GABRG3: variants seen among roughly 807,000 people sequenced by gnomAD.
GABRG3 encodes gamma-aminobutyric acid receptor subunit gamma-3.
GABRG3 carries 25 observed loss-of-function variants against 48.8 expected under a neutral mutation model. That is an observed-to-expected ratio of 0.51 (90% CI 0.37 to 0.72). GABRG3 has a LOEUF of 0.72. GABRG3 is among the 30% of genes least tolerant of loss of function. The pLI, the probability that GABRG3 is intolerant of heterozygous loss-of-function variation, is 0.00. For synonymous variants in GABRG3, 227 were observed against 217.6 expected, an observed-to-expected ratio of 1.04 and a Z score of -0.38; for missense variants, 394 against 577.9, an observed-to-expected ratio of 0.68 and a Z score of 3.26.
At chr15:27,379,087 A>G (rs28436697) in intron 5 of GABRG3, among the ~76,000 whole-genome samples, 62,363 of 152,140 alleles carry the variant, frequency 0.41, 13,796 homozygotes, top group African/African-American at 0.57. Context: ...CTAAAGTTCC[A>G]AAGAAGAATT....
At chr15:27,176,260 C>T (rs1366674552) in intron 3 of GABRG3, among the ~76,000 whole-genome samples, 1 of 152,332 alleles carries the variant, frequency 6.6e-6, no homozygotes, top group South Asian at 2.1e-4. Context: ...AGTTCCACCT[C>T]TTTCTAAATC....
At chr15:27,040,189 C>G (rs956646035) in intron 3 of GABRG3, among the ~76,000 whole-genome samples, 1 of 152,200 alleles carries the variant, frequency 6.6e-6, no homozygotes, top group Admixed American at 6.5e-5. Flanking sequence ...TTGCTGTGTT[C>G]GGGGTGGCCC....
At chr15:27,289,561 G>A (rs980341298) in intron 3 of GABRG3, among the ~76,000 whole-genome samples, 4 of 152,170 alleles carry the variant, frequency 2.6e-5, no homozygotes, top group Non-Finnish European at 5.9e-5. Context: ...TAAGACTCAA[G>A]ACAAAGAATC....
chr15:27,047,814 A>T (rs908625314), intron 3 of GABRG3, among the ~76,000 whole-genome samples: 3 of 152,180 alleles, frequency 2.0e-5, no homozygotes, highest in African/African-American at 7.2e-5. Context: ...TGGAATCAGG[A>T]TGGATTACCT....
At chr15:27,437,485 C>A (rs530066095) in intron 5 of GABRG3, among the ~76,000 whole-genome samples, 1 of 152,320 alleles carries the variant, frequency 6.6e-6, no homozygotes, top group South Asian at 2.1e-4. Context: ...TCCCTCTACT[C>A]CTTGTCCCTG....
Position 27,535,099 on chromosome 15 carries a change from AAGGAATCCAAGTCACACCAC to A in GABRG3, c.*2221_*2240del, listed in dbSNP as rs1448029720. On this transcript the variant is annotated 3_prime_UTR_variant, in exon 10 of 10. Coordinates refer to ENST00000615808, the MANE Select transcript of GABRG3 (RefSeq NM_033223.5). ...AAGTATTCTGCAAGGACCCTGACCA[AAGGAATCCAAGTCACACCAC>A]AGCACTGAGCGCCAAGGGAAGGTGG... The A allele has an allele frequency of 6.6e-6, 1 of 152,158 alleles. No individual in the cohort carries two copies. The highest frequency in any genetic ancestry group is 1.5e-5 in the Non-Finnish European group (1 of 68,052). 9.4% of individuals were successfully genotyped at this position (152,158 alleles called of 1,614,324 possible). A position where few individuals can be genotyped will look rare whatever the true frequency, so the allele number is the denominator to read the frequency against.
chr15:27,532,725 C>A lies in GABRG3; in HGVS notation c.1248C>A (p.Ser416Arg). The A allele has an allele frequency of 6.2e-7, 1 of 1,614,004 alleles. No homozygotes were observed. The highest frequency in any genetic ancestry group is 1.1e-5 in the South Asian group (1 of 91,084). ...GTCTGGATGGCAAAGACTGTCAGAG[C>A]TTCTTCTGCTGCTATGAAGAATGTA... ...YECLDGKDCQ[S>R]FFCCYEECKS... The change falls in exon 10 of 10, where the codon AGC becomes AGA. Residue 416 changes from serine to arginine, a missense_variant. This residue lies in a region of GABRG3 where 126 missense variants were observed against 155.5 expected (regional missense o/e 0.81). Transcript: ENST00000615808.
chr15:27,030,613 C>A (rs1454765936), intron 3 of GABRG3, among the ~76,000 whole-genome samples: 1 of 152,182 alleles, frequency 6.6e-6, no homozygotes, highest in Non-Finnish European at 1.5e-5. Flanking sequence ...AAGCTGCATG[C>A]AAGGGGGCTT....
intron 3 of GABRG3, among the ~76,000 whole-genome samples, chr15:27,172,111 C>T (rs1566954137): frequency 6.6e-6 from 1 of 152,170 alleles, no homozygotes; most frequent in Non-Finnish European, 1.5e-5. Context: ...AAAGCCATGC[C>T]TCTTAATACC....
intron 2 of GABRG3, among the ~76,000 whole-genome samples, chr15:27,014,668 AAACTTGTTTTGTGGACT>A (rs377059222): frequency 0.011 from 1,648 of 152,202 alleles, 28 homozygotes; most frequent in African/African-American, 0.038. Flanking sequence ...AAATGTGGTA[AAACTTGTTTTGTGGACT>A]AACATGTCTT....
intron 2 of GABRG3, among the ~76,000 whole-genome samples, chr15:26,979,516 C>T (rs1370069418): frequency 1.3e-5 from 2 of 151,988 alleles, no homozygotes; most frequent in Admixed American, 1.3e-4. Flanking sequence ...AGAAAGTTCT[C>T]TCTATTCCTA....
intron 3 of GABRG3, among the ~76,000 whole-genome samples, chr15:27,096,458 C>A (rs1033194089): frequency 1.3e-5 from 2 of 152,210 alleles, no homozygotes; most frequent in African/African-American, 4.8e-5. Flanking sequence ...ACAGCTTATT[C>A]ATCTTTGGAC....
chr15:27,470,836 A>G (rs905711900), intron 5 of GABRG3, among the ~76,000 whole-genome samples: 4 of 152,074 alleles, frequency 2.6e-5, no homozygotes. Flanking sequence ...AGTCATTGCT[A>G]GAAAAGTTTT....
intron 3 of GABRG3, among the ~76,000 whole-genome samples, chr15:27,096,333 C>T (rs60216255): frequency 0.26 from 39,637 of 152,110 alleles, 5,344 homozygotes; most frequent in Middle Eastern, 0.34. Context: ...TAAAACATGT[C>T]CACAGACATC....
At chr15:27,436,025 A>C (rs1419118123) in intron 5 of GABRG3, among the ~76,000 whole-genome samples, 2 of 152,202 alleles carry the variant, frequency 1.3e-5, no homozygotes, top group African/African-American at 4.8e-5. Flanking sequence ...GACAAGATTC[A>C]ATATAGATAT....
In GABRG3 at chr15:27,457,167, G is replaced by T. The variant is rs191019978; in HGVS notation, c.575-23483G>T. Among the ~76,000 whole-genome samples, 4 of 152,294 alleles carry T rather than the reference G, an allele frequency of 2.6e-5. No homozygotes were observed. The East Asian group carries it at 7.8e-4, about 30-fold the overall frequency. ...GTAGCATTCATTAGAGACCACAGTG[G>T]CGGCATGCAGCTGGACTGGGAGTGA... On this transcript the variant is annotated intron_variant, in intron 5 of 9. Transcript: ENST00000615808. This position sits in a 1 kb window ranked among gnomAD's most constrained non-coding sequence, Gnocchi z 4.4.
intron 3 of GABRG3, among the ~76,000 whole-genome samples, chr15:27,254,436 C>T (rs889293302): frequency 1.3e-5 from 2 of 152,228 alleles, no homozygotes; most frequent in Non-Finnish European, 2.9e-5. Flanking sequence ...TATGGATCTT[C>T]TCTGTGGTTG....
At chr15:27,320,788 A>C (rs1385579457) in intron 3 of GABRG3, among the ~76,000 whole-genome samples, 1 of 152,224 alleles carries the variant, frequency 6.6e-6, no homozygotes, top group Non-Finnish European at 1.5e-5. Context: ...TGATATTTGC[A>C]GTTTTAAAAT....
intron 2 of GABRG3, among the ~76,000 whole-genome samples, chr15:27,019,112 C>T (rs1258153767): frequency 6.4e-5 from 8 of 125,778 alleles, no homozygotes; most frequent in Admixed American, 9.8e-5. Flanking sequence ...TCTGTCACCC[C>T]GGCTGGAGTG....
Sources: gnomAD v4.1 joint callset for allele counts (sites outside exome capture counted in the v4.1 genomes callset) on GRCh38, gnomAD v4.1.1 for gene constraint, gnomAD v4.1.1 regional missense constraint, Gnocchi (gnomAD v3.1) non-coding constraint, MANE v1.5 for transcripts, NCBI Gene and HGNC (gene_info 2026-07-23, HGNC 2026-07-21) for gene names.